Variants in SYNE2 observed in about 807,000 individuals in gnomAD.
SYNE2 encodes spectrin repeat containing nuclear envelope protein 2.
Under a neutral mutation model 856.3 loss-of-function variants are expected in SYNE2, and 431 were observed. The ratio of observed to expected loss-of-function variants is 0.50; its 90% confidence interval spans 0.47 to 0.55. SYNE2 has a LOEUF of 0.55. SYNE2 is among the 20% of genes least tolerant of loss of function. The pLI is 0.00. For missense variants in SYNE2, 8,129 were observed against 8,023.2 expected (o/e 1.01, Z -0.50); for synonymous variants, 2,923 against 2,872.3 (o/e 1.02, Z -0.56).
At chr14:64,028,381 T>C (rs1250225903) in intron 43 of SYNE2, among the ~76,000 whole-genome samples, 1 of 151,964 alleles carries the variant, frequency 6.6e-6, no homozygotes, top group Non-Finnish European at 1.5e-5. Flanking sequence ...TCAGCCTACC[T>C]AGTAGCTAGG....
chr14:63,772,375 C>G (rs1886951744), intron 1 of SYNE2, among the ~76,000 whole-genome samples: 1 of 149,934 alleles, frequency 6.7e-6, no homozygotes, highest in Admixed American at 6.6e-5. Flanking sequence ...AACAAACAAA[C>G]AAAAAACCTC....
intron 1 of SYNE2, among the ~76,000 whole-genome samples, chr14:63,762,854 A>G (rs1224315142): frequency 1.3e-5 from 2 of 152,206 alleles, no homozygotes; most frequent in Admixed American, 6.6e-5. Flanking sequence ...GCAAATTTGT[A>G]GAATGCTAAC....
chr14:64,080,109 CTT>C (rs1435949572), intron 55 of SYNE2, among the ~76,000 whole-genome samples: 1 of 152,020 alleles, frequency 6.6e-6, no homozygotes, highest in East Asian at 1.9e-4. Flanking sequence ...AGGTTCAAGT[CTT>C]TCCCCAAGCC....
chr14:63,867,463 C>T (rs931192346), intron 1 of SYNE2, among the ~76,000 whole-genome samples: 3 of 149,324 alleles, frequency 2.0e-5, no homozygotes, highest in South Asian at 2.1e-4. Context: ...TTTGGGAGGC[C>T]GAGGCAGCTG....
chr14:63,957,264 A>ATTTTT lies in SYNE2; in HGVS notation c.787+2367_787+2371dup, dbSNP rs4027476. On this transcript the variant is annotated intron_variant, in intron 8 of 115. Coordinates refer to ENST00000555002, the MANE Select transcript of SYNE2 (RefSeq NM_182914.3). ...AGGTGTGCGCCACCATGCCCAGCTA[A>ATTTTT]TTTTTTTTTTTTTTTTTTTTTTGAG... 4.7e-4 allele frequency among the ~76,000 whole-genome samples: 52 copies of ATTTTT among 110,790 alleles called. No homozygotes were observed. In the East Asian group the frequency reaches 6.1e-3, roughly 13 times the overall value. 72.7% of individuals were successfully genotyped at this position (110,790 alleles called of 152,430 possible).
intron 8 of SYNE2, among the ~76,000 whole-genome samples, chr14:63,955,762 G>A (rs1464779664): frequency 1.3e-5 from 2 of 152,190 alleles, no homozygotes; most frequent in Non-Finnish European, 2.9e-5. Context: ...TAATTATAAC[G>A]TTTATGATAC....
rs2097776361 is a variant in SYNE2, at chr14:64,107,054, C to A, written c.12493-437C>A. On this transcript the variant is annotated intron_variant, in intron 64 of 115. Transcript: ENST00000555002. The stretch of plus-strand genomic sequence containing the variant: ...TATTTTGATAGAGACAGGGTCTTAC[C>A]ATGTTGCTCAGGCTGGTCTCAAACT... 2.0e-5 allele frequency among the ~76,000 whole-genome samples: 3 copies of A among 152,024 alleles called. 1 individual carries two copies. In the South Asian group the frequency reaches 6.2e-4, roughly 32 times the overall value.
intron 108 of SYNE2, 31 bp from the exon 109 acceptor site, chr14:64,218,367 A>C (rs747684642): frequency 8.2e-6 from 13 of 1,588,874 alleles, no homozygotes; most frequent in African/African-American, 2.7e-5. Flanking sequence ...TCATATCTAC[A>C]GATGGTAACT....
intron 57 of SYNE2, chr14:64,084,931 GT>G: frequency 1.4e-6 from 1 of 701,998 alleles, no homozygotes; most frequent in East Asian, 2.7e-5. Context: ...TCCCGTGGCT[GT>G]TGACAGGCCT....
In SYNE2 at chr14:64,089,369, G is replaced by GAAA. The variant is rs57358817; in HGVS notation, c.11671-179_11671-177dup. 6.9e-4 allele frequency among the ~76,000 whole-genome samples: 35 copies of GAAA among 50,466 alleles called. 1 individual carries two copies. The highest frequency in any genetic ancestry group is 2.3e-3 in the African/African-American group (28 of 12,440). The allele number at this position is 50,466 out of a possible 152,430, so 33.1% of individuals were successfully genotyped here. On this transcript the variant is annotated intron_variant, in intron 58 of 115. Transcript: ENST00000555002. ...CAACAAGAGCGAAACTCCGTCTCAG[G>GAAA]AAAAAAAAAAAAAAAAAAAAAAAAA... is the stretch of plus-strand genomic sequence containing the variant.
intron 18 of SYNE2, among the ~76,000 whole-genome samples, chr14:63,984,845 A>AT (rs2153477318): frequency 6.6e-6 from 1 of 152,322 alleles, no homozygotes; most frequent in East Asian, 1.9e-4. Flanking sequence ...TTAAAATACT[A>AT]GAGTCTTCTG....
chr14:64,071,002 T>G, intron 52 of SYNE2, 92 bp downstream of exon 52: 2 of 1,330,930 alleles, frequency 1.5e-6, no homozygotes, highest in South Asian at 2.5e-5. Flanking sequence ...TGGCAAATGA[T>G]ACAATAGAAT....
In SYNE2 at chr14:64,212,092, A is replaced by G. The variant is rs1316818112; in HGVS notation, c.18855A>G (p.Gln6285=). The part of the protein sequence containing the change: ...SESDADDKMR[Q]LNGFQQEITL... Reference sequence around the variant, plus strand: ...GTGACGCCGATGACAAGATGCGCCAACTGAATGTGAGGGCTGCTGCTTCCC... The same window carrying G: ...GTGACGCCGATGACAAGATGCGCCAGCTGAATGTGAGGGCTGCTGCTTCCC... Residue 6285 remains glutamine, a synonymous_variant, in exon 104 of 116, where the codon CAA becomes CAG. Coordinates refer to ENST00000555002, the MANE Select transcript of SYNE2 (RefSeq NM_182914.3). 6.2e-7 allele frequency: 1 copy of G among 1,613,992 alleles called. No individual in the cohort carries two copies. The highest frequency in any genetic ancestry group is 8.5e-7 in the Non-Finnish European group (1 of 1,180,026).
intron 59 of SYNE2, 103 bp downstream of exon 59, chr14:64,089,799 G>A: frequency 2.0e-6 from 2 of 996,778 alleles, no homozygotes; most frequent in African/African-American, 3.3e-5. Context: ...TCTTACCAGA[G>A]TAATAGCAAA....
intron 94 of SYNE2, among the ~76,000 whole-genome samples, chr14:64,171,821 C>T (rs370931936): frequency 1.1e-4 from 17 of 152,274 alleles, no homozygotes; most frequent in African/African-American, 4.1e-4. Flanking sequence ...AGCATTTCAG[C>T]TGAGGGAGAG....
At chr14:63,947,416 A>G (rs1248450712) in intron 6 of SYNE2, among the ~76,000 whole-genome samples, 1 of 152,206 alleles carries the variant, frequency 6.6e-6, no homozygotes, top group African/African-American at 2.4e-5. Flanking sequence ...CTGAAAATGT[A>G]GTTGTTTTAA....
At chr14:64,028,534 C>G (rs182587744) in intron 43 of SYNE2, among the ~76,000 whole-genome samples, 1 of 152,174 alleles carries the variant, frequency 6.6e-6, no homozygotes, top group African/African-American at 2.4e-5. Context: ...GGATGACCTG[C>G]GCGAGCCACT....
At chr14:63,948,676 A>G (rs1337625918) in intron 6 of SYNE2, among the ~76,000 whole-genome samples, 1 of 124,510 alleles carries the variant, frequency 8.0e-6, no homozygotes, top group Admixed American at 8.7e-5. Flanking sequence ...AAAAAAAATT[A>G]TATATATATG....
intron 74 of SYNE2, among the ~76,000 whole-genome samples, chr14:64,129,375 CTG>C (rs1234683628): frequency 1.3e-5 from 2 of 152,174 alleles, no homozygotes; most frequent in Non-Finnish European, 2.9e-5. Flanking sequence ...GAATTAAAAA[CTG>C]TATATAGCCC....
Sources: allele counts gnomAD v4.1 joint callset (sites outside exome capture counted in the v4.1 genomes callset), GRCh38; gene constraint gnomAD v4.1.1; transcripts MANE v1.5; gene names NCBI Gene and HGNC (gene_info 2026-07-23, HGNC 2026-07-21).